Variants in SPCS2 observed in about 807,000 individuals in gnomAD.
The protein encoded by SPCS2 is SPase 25 kDa subunit.
In SPCS2, 3 loss-of-function variants were observed where a neutral mutation model predicts 22.3. That is an observed-to-expected ratio of 0.13 (90% CI 0.06 to 0.35). The LOEUF (loss-of-function observed/expected upper bound fraction) is 0.35, where lower values mean the gene tolerates loss of function less well. SPCS2 is among the 10% of genes least tolerant of loss of function. SPCS2 has a pLI of 1.00. For missense variants in SPCS2, 169 were observed against 280.9 expected, an observed-to-expected ratio of 0.60 and a Z score of 2.85; for synonymous variants, 67 against 97.2, an observed-to-expected ratio of 0.69 and a Z score of 1.83.
rs1334738454 is a variant in SPCS2, at chr11:74,957,003, ACT to A, written c.114+7607_114+7608del. On this transcript the variant is annotated intron_variant, in intron 1 of 4. Transcript: ENST00000263672. ...TCACTATTTTTTAGTCTTTTTAAAA[ACT>A]CTATTGCATTTTTCTGTATAATCTT... 4.6e-5 allele frequency among the ~76,000 whole-genome samples: 7 copies of A among 151,450 alleles called. No homozygotes were observed. The South Asian group carries it at 1.3e-3, about 27-fold the overall frequency.
At chr11:74,975,941 C>G (rs1280484010) in intron 4 of SPCS2, among the ~76,000 whole-genome samples, 1 of 152,162 alleles carries the variant, frequency 6.6e-6, no homozygotes, top group African/African-American at 2.4e-5. Flanking sequence ...TAATTGGTGT[C>G]ATTAAACCCT....
intron 1 of SPCS2, 26 bp downstream of exon 1, chr11:74,949,425 T>G: frequency 6.5e-7 from 1 of 1,544,888 alleles, no homozygotes; most frequent in Non-Finnish European, 8.8e-7. Flanking sequence ...TTGGGAACAG[T>G]TGAATCCTGG....
chr11:74,961,907 G>T (rs1948516590), intron 1 of SPCS2, among the ~76,000 whole-genome samples: 1 of 152,116 alleles, frequency 6.6e-6, no homozygotes, highest in Non-Finnish European at 1.5e-5. Flanking sequence ...TGAGTTCAGG[G>T]ATTAAGGCAA....
chr11:74,976,689 T>C (rs1948615697), intron 4 of SPCS2, among the ~76,000 whole-genome samples, 168 bp from the exon 5 acceptor site: 1 of 152,206 alleles, frequency 6.6e-6, no homozygotes, highest in Admixed American at 6.5e-5. Context: ...CTTGAAAAGT[T>C]AGGAGCCCTG....
rs989004284 is a variant in SPCS2, at chr11:74,978,114, A to T, written c.*1071A>T. 6.6e-6 allele frequency: 1 copy of T among 152,234 alleles called. No homozygotes were observed. Among genetic ancestry groups the T allele is most frequent in the African/African-American group, 2.4e-5 (1 of 41,462 alleles). 9.4% of individuals were successfully genotyped at this position (152,234 alleles called of 1,614,324 possible). A position where few individuals can be genotyped will look rare whatever the true frequency, so the allele number is the denominator to read the frequency against. ...TCAGAGTTTGTGGTCCTGCAGAGAC[A>T]AAACAGCCGCTTTTCCAGTATTTTC... On this transcript the variant is annotated 3_prime_UTR_variant, in exon 5 of 5. Transcript: ENST00000263672.
intron 2 of SPCS2, 132 bp from the exon 3 acceptor site, chr11:74,965,631 G>T: frequency 1.5e-6 from 1 of 684,152 alleles, no homozygotes; most frequent in East Asian, 2.9e-5. Context: ...TACTTGTTTG[G>T]TGTGGTAAAA....
At chr11:74,954,956 G>A (rs977338534) in intron 1 of SPCS2, among the ~76,000 whole-genome samples, 7 of 152,138 alleles carry the variant, frequency 4.6e-5, no homozygotes, top group African/African-American at 1.2e-4. Context: ...ATGGCCCATA[G>A]CACATGGAAA....
In SPCS2 at chr11:74,949,375, T is replaced by C. The variant is rs1190720243; in HGVS notation, c.90T>C (p.Ser30=). 8.4e-6 allele frequency: 13 copies of C among 1,551,566 alleles called. No homozygotes were observed. Among genetic ancestry groups the C allele is most frequent in the Non-Finnish European group, 1.0e-5 (12 of 1,146,924 alleles). Residue 30 remains serine, a synonymous_variant, in exon 1 of 5, where the codon AGT becomes AGC. Coordinates refer to ENST00000263672, the MANE Select transcript of SPCS2 (RefSeq NM_014752.3). ...GTGCTTCCAACTGCGGGACAGGAAG[T>C]GGCCGTAGCGGCTTGTTGGATAAGG... ...AGGASNCGTG[S]GRSGLLDKWK... is the part of the protein sequence containing the mutation.
chr11:74,969,527 T>G, intron 3 of SPCS2, 38 bp from the exon 4 acceptor site: 1 of 1,596,862 alleles, frequency 6.3e-7, no homozygotes, highest in Non-Finnish European at 8.6e-7. Flanking sequence ...TTACTTCTCT[T>G]TTATGTTTGG....
intron 3 of SPCS2, among the ~76,000 whole-genome samples, chr11:74,966,926 T>A (rs1406892237): frequency 1.3e-5 from 2 of 152,178 alleles, no homozygotes; most frequent in African/African-American, 4.8e-5. Flanking sequence ...GCCTAATTTT[T>A]AAATTTTTTA....
chr11:74,972,199 G>A (rs1948588686), intron 4 of SPCS2, among the ~76,000 whole-genome samples: 1 of 152,036 alleles, frequency 6.6e-6, no homozygotes, highest in Non-Finnish European at 1.5e-5. Flanking sequence ...CTGAGTAGCT[G>A]GGATTACGGA....
At chr11:74,952,678 T>TA (rs1180499053) in intron 1 of SPCS2, among the ~76,000 whole-genome samples, 1 of 152,034 alleles carries the variant, frequency 6.6e-6, no homozygotes, top group Non-Finnish European at 1.5e-5. Context: ...CTGTCTGTGG[T>TA]AAAAAATAGA....
At chr11:74,960,314 G>C (rs1355975216) in intron 1 of SPCS2, among the ~76,000 whole-genome samples, 2 of 152,216 alleles carry the variant, frequency 1.3e-5, no homozygotes, top group African/African-American at 2.4e-5. Context: ...CTGGGTGACA[G>C]AGTAAGACTC....
intron 4 of SPCS2, among the ~76,000 whole-genome samples, chr11:74,971,454 C>G (rs2140220703): frequency 6.6e-6 from 1 of 152,336 alleles, no homozygotes; most frequent in East Asian, 1.9e-4. Flanking sequence ...ATTTTACAAT[C>G]TCACTAGCAG....
At position 74,978,325 on chromosome 11, in the gene SPCS2, A is replaced by C. The variant is rs1241983300; in HGVS notation, c.*1282A>C. 1 of 152,218 alleles carries C rather than the reference A, an allele frequency of 6.6e-6. No homozygotes were observed. The highest frequency in any genetic ancestry group is 1.5e-5 in the Non-Finnish European group (1 of 68,042). 9.4% of individuals were successfully genotyped at this position (152,218 alleles called of 1,614,324 possible). On this transcript the variant is annotated 3_prime_UTR_variant, in exon 5 of 5. Transcript: ENST00000263672. ...GAGAGGTTGTCCTATCTCGCACCAC[A>C]TGGTAGGGAATTGTGAACAACACTG...
Position 74,978,874 on chromosome 11 carries a change from T to A in SPCS2, c.*1831T>A, listed in dbSNP as rs1948629891. Reference sequence around the variant, plus strand: ...CCCCCACTGTGCCTTTTTCTTTACATGTGCATGCAAACATGTGTCTCCACA... The same window carrying A: ...CCCCCACTGTGCCTTTTTCTTTACAAGTGCATGCAAACATGTGTCTCCACA... On this transcript the variant is annotated 3_prime_UTR_variant, in exon 5 of 5. Coordinates refer to ENST00000263672, the MANE Select transcript of SPCS2 (RefSeq NM_014752.3). 6.6e-6 allele frequency: 1 copy of A among 151,806 alleles called. No homozygotes were observed. Among genetic ancestry groups the A allele is most frequent in the Non-Finnish European group, 1.5e-5 (1 of 68,036 alleles). 9.4% of individuals were successfully genotyped at this position (151,806 alleles called of 1,614,324 possible).
chr11:74,949,980 C>T (rs1948354182), intron 1 of SPCS2, among the ~76,000 whole-genome samples: 1 of 152,094 alleles, frequency 6.6e-6, no homozygotes, highest in Admixed American at 6.6e-5. Flanking sequence ...CCTCTCCTCT[C>T]TTCCCTCCAC....
At chr11:74,970,317 T>C (rs1948577205) in intron 4 of SPCS2, among the ~76,000 whole-genome samples, 1 of 152,174 alleles carries the variant, frequency 6.6e-6, no homozygotes, top group African/African-American at 2.4e-5. Flanking sequence ...ATTATAATAA[T>C]AGCAAATGTT....
Position 74,978,146 on chromosome 11 carries a change from T to A in SPCS2, c.*1103T>A, listed in dbSNP as rs1323588589. On this transcript the variant is annotated 3_prime_UTR_variant, in exon 5 of 5. Coordinates refer to ENST00000263672, the MANE Select transcript of SPCS2 (RefSeq NM_014752.3). ...CCGCTTTTCCAGTATTTTCCCAGTA[T>A]GGTCAGAGAAGACCTGGGTGCTTGC... The A allele has an allele frequency of 6.6e-6, 1 of 152,246 alleles. No individual in the cohort carries two copies. 9.4% of individuals were successfully genotyped at this position (152,246 alleles called of 1,614,324 possible).
Sources: allele counts gnomAD v4.1 joint callset (sites outside exome capture counted in the v4.1 genomes callset), GRCh38; gene constraint gnomAD v4.1.1; transcripts MANE v1.5; gene names NCBI Gene and HGNC (gene_info 2026-07-23, HGNC 2026-07-21).